The following TMEM225 variants were observed in gnomAD, a reference collection of about 807,000 sequenced individuals.
TMEM225 encodes PMP22 claudin domain-containing protein.
In TMEM225, 10 loss-of-function variants were observed where a neutral mutation model predicts 17.6. The observed-to-expected ratio is 0.57, with a 90% CI of 0.35 to 0.96. The LOEUF (loss-of-function observed/expected upper bound fraction) is 0.96. Ranked by LOEUF, TMEM225 falls within the 40% of genes least tolerant of loss-of-function variation. TMEM225 has a pLI of 0.02. For synonymous variants in TMEM225, 101 were observed against 94.5 expected (o/e 1.07, Z -0.40); for missense variants, 245 against 271.5 (o/e 0.90, Z 0.69).
rs199866209 is a variant in TMEM225, at chr11:123,884,490, C to T, written c.328G>A (p.Gly110Ser). 11 of 1,608,438 alleles carry T rather than the reference C, an allele frequency of 6.8e-6. No individual in the cohort carries two copies. Among genetic ancestry groups the T allele is most frequent in the Non-Finnish European group, 9.3e-6 (11 of 1,177,514 alleles). ...LFTTILSFFS[G>S]ISLLWALILY... ...TGTGTTAGGGGAGCCAGGAAGTTAC[C>T]TGAGAAGAAACTGAGGATGGTAGTG... Residue 110 changes from glycine to serine, a missense_variant and splice_region_variant, in exon 2 of 4, where the codon GGT (glycine) becomes AGT (serine). Physicochemically the swap from Gly to Ser is moderately conservative, Grantham distance 56. Transcript: ENST00000375026.
intron 3 of TMEM225, 26 bp downstream of exon 3, chr11:123,884,047 ACC>A: frequency 1.9e-6 from 3 of 1,582,932 alleles, no homozygotes; most frequent in Non-Finnish European, 2.6e-6. Flanking sequence ...GGTTCTTAAC[ACC>A]CTTCAGGGGC....
At position 123,885,380 on chromosome 11, in the gene TMEM225, A is replaced by G. The variant is rs948088998; in HGVS notation, c.46T>C (p.Phe16Leu). 3.7e-6 allele frequency: 6 copies of G among 1,613,490 alleles called. No individual in the cohort carries two copies. The highest frequency in any genetic ancestry group is 5.1e-6 in the Non-Finnish European group (6 of 1,179,640). Residue 16 changes from phenylalanine (F) to leucine (L), a missense_variant, in exon 1 of 4, where the codon TTC (phenylalanine) becomes CTC (leucine). Coordinates refer to ENST00000375026, the MANE Select transcript of TMEM225 (RefSeq NM_001013743.3). ...ATTAAGACTACGGCCCAGGAGGAGA[A>G]AAGTATGTTCATACCCTGGATACTT... ...NRSIQGMNIL[F>L]SSWAVVLMVM...
Position 123,884,163 on chromosome 11 carries a change from C to T in TMEM225, c.375G>A (p.Lys125=). ...WALILYHNKL[K]QGQSMHFSSY... ...TAGAGAAGTGCATGGATTGACCTTG[C>T]TTCAGCTTATTGTGATATAGTATGA... The change falls in exon 3 of 4, where the codon AAG becomes AAA. Residue 125 remains lysine (K), a synonymous_variant. Transcript: ENST00000375026. The T allele has an allele frequency of 3.7e-6, 6 of 1,601,536 alleles. No homozygotes were observed. The highest frequency in any genetic ancestry group is 5.1e-6 in the Non-Finnish European group (6 of 1,176,588).
intron 1 of TMEM225, 72 bp downstream of exon 1, chr11:123,885,173 C>G: frequency 7.2e-7 from 1 of 1,388,942 alleles, no homozygotes; most frequent in South Asian, 1.3e-5. Flanking sequence ...GAGATTAATG[C>G]AAGTTAAGGA....
rs1863026732 is a variant in TMEM225 at position 123,885,308 on chromosome 11, C to T, written c.118G>A (p.Asp40Asn). The T allele has an allele frequency of 1.2e-6, 2 of 1,613,660 alleles. No homozygotes were observed. Among genetic ancestry groups the T allele is most frequent in the African/African-American group, 2.7e-5 (2 of 75,000 alleles). Reference sequence around the variant, plus strand: ...CTGTGGTTCATCTTGGCTCTTTCATCTTCTGAAATCAATTCAACCCATTTA... The same window carrying T: ...CTGTGGTTCATCTTGGCTCTTTCATTTTCTGAAATCAATTCAACCCATTTA... Reference protein sequence around the residue: ...LDKWVELISEDERAKMNHSPW... With the variant: ...LDKWVELISENERAKMNHSPW... Residue 40 changes from aspartate (D) to asparagine (N), a missense_variant, in exon 1 of 4, where the codon GAT (aspartate) becomes AAT (asparagine). By Grantham distance (23) the Asp-to-Asn change is conservative. Transcript: ENST00000375026.
At chr11:123,883,487 G>A in intron 3 of TMEM225, 135 bp from the exon 4 acceptor site, 1 of 638,276 alleles carries the variant, frequency 1.6e-6, no homozygotes, top group South Asian at 1.9e-5. Context: ...TCTGGGAGGT[G>A]AATGCTTTAG....
chr11:123,885,608 G>A lies in TMEM225; in HGVS notation c.-183C>T, dbSNP rs915489410. On this transcript the variant is annotated 5_prime_UTR_variant, in exon 1 of 4. The change creates a new upstream start codon in the 5' untranslated region. Coordinates refer to ENST00000375026, the MANE Select transcript of TMEM225 (RefSeq NM_001013743.3). Reference sequence around the variant, plus strand: ...ATAACTCTCACCCTTCCTCACTTCCGTTATCTATCAGGGCCAGCCTGCTGT... The same window carrying A: ...ATAACTCTCACCCTTCCTCACTTCCATTATCTATCAGGGCCAGCCTGCTGT... The A allele has an allele frequency of 3.0e-5, 18 of 606,016 alleles. No homozygotes were observed. The highest frequency in any genetic ancestry group is 1.1e-4 in the South Asian group (5 of 46,480). The allele number at this position is 606,016 out of a possible 1,614,324, so 37.5% of individuals were successfully genotyped here.
rs1012721226 is a variant in TMEM225, at chr11:123,885,122, C to A, written c.181+123G>T. 12 of 880,822 alleles carry A rather than the reference C, an allele frequency of 1.4e-5. No individual in the cohort carries two copies. The East Asian group carries it at 3.0e-4, about 22-fold the overall frequency. 54.6% of individuals were successfully genotyped at this position (880,822 alleles called of 1,614,324 possible). On this transcript the variant is annotated intron_variant, in intron 1 of 3. Coordinates refer to ENST00000375026, the MANE Select transcript of TMEM225 (RefSeq NM_001013743.3). ...ACTATGGAAGGAAGGAAGAACACTG[C>A]AACTTGAGAAGCTGCACCAGAAAAT... is the stretch of plus-strand genomic sequence containing the variant.
chr11:123,883,703 A>G (rs1303137633), intron 3 of TMEM225, among the ~76,000 whole-genome samples: 1 of 152,036 alleles, frequency 6.6e-6, no homozygotes, highest in Non-Finnish European at 1.5e-5. Flanking sequence ...CTGCCCTCAA[A>G]CTGCCTTGAC....
Position 123,883,270 on chromosome 11 carries a change from C to T in TMEM225, c.546G>A (p.Lys182=). Residue 182 remains lysine (K), a synonymous_variant, in exon 4 of 4, where the codon AAG becomes AAA. Transcript: ENST00000375026. Reference sequence around the variant, plus strand: ...TATCTTCGATAGAATTCTCAGATTCCTTACATTCGTTGTCAGATTTATGGA... The same window carrying T: ...TATCTTCGATAGAATTCTCAGATTCTTTACATTCGTTGTCAGATTTATGGA... ...LNIHKSDNEC[K]ESENSIEDIS... 1 of 1,613,382 alleles carries T rather than the reference C, an allele frequency of 6.2e-7. No homozygotes were observed.
chr11:123,885,498 A>C lies in TMEM225; in HGVS notation c.-73T>G. 1 of 1,434,324 alleles carries C rather than the reference A, an allele frequency of 7.0e-7. No individual in the cohort carries two copies. The highest frequency in any genetic ancestry group is 9.6e-7 in the Non-Finnish European group (1 of 1,044,648). 88.8% of individuals were successfully genotyped at this position (1,434,324 alleles called of 1,614,324 possible). On this transcript the variant is annotated 5_prime_UTR_variant, in exon 1 of 4. Transcript: ENST00000375026. ...CTCTTCCTTGATTTGATTAGTTACA[A>C]GAAGGGTGATATCTGAACTTTCAGT...
Position 123,883,300 on chromosome 11 carries a change from C to G in TMEM225, c.516G>C (p.Leu172=). Residue 172 remains leucine, a synonymous_variant, in exon 4 of 4, where the codon CTG becomes CTC. Transcript: ENST00000375026. ...ATTCGTTGTCAGATTTATGGATGTT[C>G]AGGCAGGTACAGCTACTGGTAGACA... is the stretch of plus-strand genomic sequence containing the variant. ...CKLSTSSCTC[L]NIHKSDNECK... 6.2e-7 allele frequency: 1 copy of G among 1,613,242 alleles called. No individual in the cohort carries two copies. The highest frequency in any genetic ancestry group is 8.5e-7 in the Non-Finnish European group (1 of 1,179,536).
intron 1 of TMEM225, among the ~76,000 whole-genome samples, chr11:123,884,951 T>C (rs1863020367): frequency 6.6e-6 from 1 of 152,188 alleles, no homozygotes; most frequent in Non-Finnish European, 1.5e-5. Context: ...TTACGTTTCT[T>C]TCTTACCCAC....
intron 2 of TMEM225, 52 bp downstream of exon 2, chr11:123,884,438 C>A: frequency 6.5e-7 from 1 of 1,530,716 alleles, no homozygotes; most frequent in Non-Finnish European, 8.8e-7. Context: ...CAGCCTGAAC[C>A]CACCCATCAA....
At chr11:123,883,888 C>T (rs1385125877) in intron 3 of TMEM225, among the ~76,000 whole-genome samples, 187 bp downstream of exon 3, 1 of 152,118 alleles carries the variant, frequency 6.6e-6, no homozygotes, top group African/African-American at 2.4e-5. Context: ...GCACAGCAGA[C>T]ATCTCACATA....
In TMEM225 at chr11:123,884,053, C is replaced by A. The variant is rs375182498; in HGVS notation, c.463+22G>T. Reference sequence around the variant, plus strand: ...GGATGGATTGGTTCTTAACACCCTTCAGGGGCCCTGGAGACACTCACCACA... The same window carrying A: ...GGATGGATTGGTTCTTAACACCCTTAAGGGGCCCTGGAGACACTCACCACA... On this transcript the variant is annotated intron_variant, in intron 3 of 3. Coordinates refer to ENST00000375026, the MANE Select transcript of TMEM225 (RefSeq NM_001013743.3). 2.8e-5 allele frequency: 44 copies of A among 1,592,616 alleles called. No individual in the cohort carries two copies. In the African/African-American group the frequency reaches 5.3e-4, roughly 19 times the overall value.
Position 123,883,336 on chromosome 11 carries a change from T to G in TMEM225, c.480A>C (p.Leu160=). 1 of 1,612,236 alleles carries G rather than the reference T, an allele frequency of 6.2e-7. No homozygotes were observed. Among genetic ancestry groups the G allele is most frequent in the African/African-American group, 1.3e-5 (1 of 74,926 alleles). ...FLSVCGVLSL[L]ECKLSTSSCT... ...AGCTACTGGTAGACAACTTGCACTC[T>G]AGGAGAGAGAGGACTCCTAGGGAAA... Residue 160 remains leucine, a synonymous_variant, in exon 4 of 4, where the codon CTA becomes CTC. Coordinates refer to ENST00000375026, the MANE Select transcript of TMEM225 (RefSeq NM_001013743.3).
chr11:123,884,222 C>CAAAAAAAAAAAAAAAAAAAAGAAAAAAA lies in TMEM225; in HGVS notation c.329-14_329-13insTTTTTTTCTTTTTTTTTTTTTTTTTTTT. ...AGCAGAGAGATACCTGATGTCCAGA[C>CAAAAAAAAAAAAAAAAAAAAGAAAAAAA]AAAAAAAAAAAAAAAAAAAGAAAAA... On this transcript the variant is annotated splice_polypyrimidine_tract_variant and intron_variant, in intron 2 of 3. Transcript: ENST00000375026. The CAAAAAAAAAAAAAAAAAAAAGAAAAAAA allele has an allele frequency of 8.1e-7, 1 of 1,230,852 alleles. No homozygotes were observed. The highest frequency in any genetic ancestry group is 1.0e-6 in the Non-Finnish European group (1 of 977,798). The allele number at this position is 1,230,852 out of a possible 1,614,324, so 76.2% of individuals were successfully genotyped here.
Position 123,882,973 on chromosome 11 carries a change from C to A in TMEM225, c.*165G>T. 2.0e-6 allele frequency: 1 copy of A among 494,602 alleles called. No individual in the cohort carries two copies. Among genetic ancestry groups the A allele is most frequent in the Non-Finnish European group, 3.6e-6 (1 of 281,478 alleles). The allele number at this position is 494,602 out of a possible 1,614,324, so 30.6% of individuals were successfully genotyped here. On this transcript the variant is annotated 3_prime_UTR_variant, in exon 4 of 4. Coordinates refer to ENST00000375026, the MANE Select transcript of TMEM225 (RefSeq NM_001013743.3). Reference sequence around the variant, plus strand: ...TTAACAACAAATGTTGCAGAAGAAACTATTCGTTCAGCAGGCCAGGATTTT... The same window carrying A: ...TTAACAACAAATGTTGCAGAAGAAAATATTCGTTCAGCAGGCCAGGATTTT...
Sources: allele counts gnomAD v4.1 joint callset (sites outside exome capture counted in the v4.1 genomes callset), GRCh38; gene constraint gnomAD v4.1.1; transcripts MANE v1.5; gene names NCBI Gene and HGNC (gene_info 2026-07-23, HGNC 2026-07-21).